The following PCDHA4 variants were observed in gnomAD, a reference collection of about 807,000 sequenced individuals.
PCDHA4 encodes protocadherin alpha 4.
PCDHA4 carries 49 observed loss-of-function variants against 61.4 expected under a neutral mutation model. That is an observed-to-expected ratio of 0.80 (90% CI 0.63 to 1.01). The LOEUF is 1.01. PCDHA4 is among the 50% of genes least tolerant of loss of function. The pLI, the probability that PCDHA4 is intolerant of heterozygous loss-of-function variation, is 0.00. For missense variants in PCDHA4, 1,254 were observed against 1,235.8 expected (o/e 1.01, Z -0.22); for synonymous variants, 590 against 550.3 (o/e 1.07, Z -1.01).
intron 1 of PCDHA4, among the ~76,000 whole-genome samples, chr5:140,965,764 A>G (rs2095932618): frequency 6.6e-6 from 1 of 152,258 alleles, no homozygotes; most frequent in Non-Finnish European, 1.5e-5. Flanking sequence ...AATGGGTCAA[A>G]TAATAGATTT....
chr5:140,905,851 A>G (rs1345912722), intron 1 of PCDHA4, among the ~76,000 whole-genome samples: 1 of 152,204 alleles, frequency 6.6e-6, no homozygotes, highest in Non-Finnish European at 1.5e-5. Context: ...ATTAAGGAGT[A>G]TTAACTCACA....
intron 3 of PCDHA4, among the ~76,000 whole-genome samples, chr5:141,007,801 G>T (rs559830556): frequency 2.6e-5 from 4 of 152,148 alleles, no homozygotes; most frequent in Non-Finnish European, 5.9e-5. Flanking sequence ...GCCTTTATCT[G>T]CCATTCATTT....
intron 1 of PCDHA4, chr5:140,869,286 G>C: frequency 6.2e-7 from 1 of 1,613,616 alleles, no homozygotes; most frequent in Non-Finnish European, 8.5e-7. Flanking sequence ...AGCTGGTGCA[G>C]CGCCTGTTCC....
At chr5:140,892,894 TC>T (rs1198816126) in intron 1 of PCDHA4, among the ~76,000 whole-genome samples, 8 of 152,158 alleles carry the variant, frequency 5.3e-5, no homozygotes, top group Non-Finnish European at 7.4e-5. Context: ...AACCAACCTT[TC>T]CCCATCCTCC....
At chr5:140,857,099 G>T in intron 1 of PCDHA4, 1 of 1,597,354 alleles carries the variant, frequency 6.3e-7, no homozygotes, top group Non-Finnish European at 8.6e-7. Context: ...TGAGGTGATT[G>T]TCACTTCTCT....
chr5:140,923,033 A>T (rs6895136), intron 1 of PCDHA4, among the ~76,000 whole-genome samples: 8,640 of 152,308 alleles, frequency 0.057, 727 homozygotes, highest in African/African-American at 0.19. Flanking sequence ...CTCTATTACT[A>T]CATGTATAGT....
At chr5:140,939,207 T>C (rs1013809748) in intron 1 of PCDHA4, among the ~76,000 whole-genome samples, 1 of 152,180 alleles carries the variant, frequency 6.6e-6, no homozygotes, top group Non-Finnish European at 1.5e-5. Context: ...GAATGTCACC[T>C]TCTTGCTGTC....
At chr5:141,005,490 TC>T (rs1451220963) in intron 3 of PCDHA4, among the ~76,000 whole-genome samples, 1 of 151,242 alleles carries the variant, frequency 6.6e-6, no homozygotes. Flanking sequence ...GATCATGAGG[TC>T]AGGAGATCGA....
At chr5:140,809,632 G>A (rs782493933) in intron 1 of PCDHA4, 60 bp downstream of exon 1, 33 of 1,502,364 alleles carry the variant, frequency 2.2e-5, no homozygotes, top group Non-Finnish European at 2.8e-5. Flanking sequence ...CAACTTCTTC[G>A]TAAATTTATT....
chr5:141,005,714 A>AAG (rs2098233543), intron 3 of PCDHA4, among the ~76,000 whole-genome samples: 1 of 148,328 alleles, frequency 6.7e-6, no homozygotes, highest in Non-Finnish European at 1.5e-5. Flanking sequence ...AAAAAAAAAA[A>AAG]AAAAAAAAAA....
At position 140,915,626 on chromosome 5, in the gene PCDHA4, G is replaced by GTCTCTCTCTCTC. The variant is rs57920489; in HGVS notation, c.2386-63304_2386-63293dup. 2.6e-4 allele frequency among the ~76,000 whole-genome samples: 38 copies of GTCTCTCTCTCTC among 146,532 alleles called. No individual in the cohort carries two copies. In the Middle Eastern group the frequency reaches 0.011, roughly 41 times the overall value. Reference sequence around the variant, plus strand: ...ACTTTCTGTCAAACAGTCTCTTTCTGTCTCTCTCTCTCTCTCTCTCTCTCT... The same window carrying GTCTCTCTCTCTC: ...ACTTTCTGTCAAACAGTCTCTTTCTGTCTCTCTCTCTCTCTCTCTCTCTCTCTCTCTCTCTCT... On this transcript the variant is annotated intron_variant, in intron 1 of 3. Coordinates refer to ENST00000530339, the MANE Select transcript of PCDHA4 (RefSeq NM_018907.4).
intron 1 of PCDHA4, chr5:140,812,386 G>C (rs2126638126): frequency 6.6e-6 from 1 of 151,798 alleles, no homozygotes; most frequent in African/African-American, 2.4e-5. Context: ...TTTTTTCTTA[G>C]TCTAGCTAAG....
chr5:140,828,591 T>G, intron 1 of PCDHA4: 1 of 1,614,220 alleles, frequency 6.2e-7, no homozygotes, highest in Non-Finnish European at 8.5e-7. Flanking sequence ...TCAAATTCCA[T>G]CTTAACCTAT....
chr5:140,918,021 A>G (rs2078482403), intron 1 of PCDHA4, among the ~76,000 whole-genome samples: 2 of 152,190 alleles, frequency 1.3e-5, no homozygotes, highest in South Asian at 2.1e-4. Flanking sequence ...CTTCCTACCC[A>G]TGAGCGTGGA....
intron 3 of PCDHA4, among the ~76,000 whole-genome samples, chr5:141,001,297 A>G (rs1367498675): frequency 1.3e-5 from 2 of 152,202 alleles, no homozygotes; most frequent in African/African-American, 2.4e-5. Context: ...ACTGAGGCCC[A>G]GAGATATGAA....
chr5:140,823,492 G>C (rs886912020), intron 1 of PCDHA4: 1 of 1,613,280 alleles, frequency 6.2e-7, no homozygotes, highest in African/African-American at 1.3e-5. Flanking sequence ...GGGTGGCACC[G>C]GCGGCGCAGT....
chr5:140,807,396 G>A lies in PCDHA4; in HGVS notation c.209G>A (p.Gly70Asp), dbSNP rs782005139. The A allele has an allele frequency of 1.0e-5, 15 of 1,453,308 alleles. 3 individuals carry two copies. Among genetic ancestry groups the A allele is most frequent in the South Asian group, 2.4e-5 (2 of 84,820 alleles). The allele number at this position is 1,453,308 out of a possible 1,614,324, so 90.0% of individuals were successfully genotyped here. Residue 70 changes from glycine to aspartate, a missense_variant, in exon 1 of 4, where the codon GGC becomes GAC. Coordinates refer to ENST00000530339, the MANE Select transcript of PCDHA4 (RefSeq NM_018907.4). ...CGCCTGTTCCGGGTGGCGTCCAAGG[G>A]CCGCGGAGGCCTTCTGGAGGTAAAT... is the stretch of plus-strand genomic sequence containing the variant. ...VPRLFRVASK[G>D]RGGLLEVNLQ...
intron 1 of PCDHA4, among the ~76,000 whole-genome samples, chr5:140,855,428 G>A (rs1039152755): frequency 4.7e-5 from 7 of 149,940 alleles, no homozygotes; most frequent in African/African-American, 1.7e-4. Context: ...AAATTCTAGT[G>A]ATGACTAGAT....
At chr5:140,995,132 A>G (rs2097665905) in intron 3 of PCDHA4, among the ~76,000 whole-genome samples, 1 of 152,222 alleles carries the variant, frequency 6.6e-6, no homozygotes, top group African/African-American at 2.4e-5. Flanking sequence ...CTGAAACCTC[A>G]TTTAGTACTG....
Sources: gnomAD v4.1 joint callset for allele counts (sites outside exome capture counted in the v4.1 genomes callset) on GRCh38, gnomAD v4.1.1 for gene constraint, MANE v1.5 for transcripts, NCBI Gene and HGNC (gene_info 2026-07-23, HGNC 2026-07-21) for gene names.